EEPD1: variants seen among roughly 807,000 people sequenced by gnomAD.
EEPD1 encodes endonuclease/exonuclease/phosphatase family domain containing 1.
In EEPD1, 17 loss-of-function variants were observed where a neutral mutation model predicts 46.3. The ratio of observed to expected loss-of-function variants is 0.37; its 90% CI spans 0.25 to 0.55. The LOEUF is 0.55. Ranked by LOEUF, EEPD1 falls within the 20% of genes least tolerant of loss-of-function variation. The pLI is 0.83. For synonymous variants in EEPD1, 313 were observed against 315.6 expected (o/e 0.99, Z 0.09); for missense variants, 673 against 745.6 (o/e 0.90, Z 1.13).
intron 2 of EEPD1, among the ~76,000 whole-genome samples, chr7:36,220,756 GC>G (rs1232917203): frequency 6.6e-6 from 1 of 152,060 alleles, no homozygotes; most frequent in Non-Finnish European, 1.5e-5. Flanking sequence ...TTCACCCTCT[GC>G]CCATAACAAA....
At chr7:36,215,184 G>A (rs1449389351) in intron 2 of EEPD1, among the ~76,000 whole-genome samples, 2 of 152,140 alleles carry the variant, frequency 1.3e-5, no homozygotes, top group Non-Finnish European at 2.9e-5. Flanking sequence ...ACGATAACCA[G>A]ACACGAGCCG....
At chr7:36,235,504 C>G (rs1786416988) in intron 2 of EEPD1, among the ~76,000 whole-genome samples, 1 of 152,258 alleles carries the variant, frequency 6.6e-6, no homozygotes, top group Non-Finnish European at 1.5e-5. Context: ...ATCCTCTGGC[C>G]TTGGCTGGGC....
At position 36,214,209 on chromosome 7, in the gene EEPD1, G is replaced by A. The variant is rs543404241; in HGVS notation, c.879-24776G>A. ...GGGTTCACTGGTCTTGGGAAAAGCCGTAGAAGCTCTTCAGAGTGGGCAGGA... is the reference window on the plus strand; with the variant it reads ...GGGTTCACTGGTCTTGGGAAAAGCCATAGAAGCTCTTCAGAGTGGGCAGGA... On this transcript the variant is annotated intron_variant, in intron 2 of 7. Transcript: ENST00000242108. 9.2e-5 allele frequency among the ~76,000 whole-genome samples: 14 copies of A among 152,294 alleles called. No individual in the cohort carries two copies. In the East Asian group the frequency reaches 1.2e-3, roughly 13 times the overall value.
At chr7:36,260,839 C>A (rs371554960) in intron 3 of EEPD1, among the ~76,000 whole-genome samples, 1 of 152,162 alleles carries the variant, frequency 6.6e-6, no homozygotes, top group Non-Finnish European at 1.5e-5. Context: ...TATTCAAAAA[C>A]GAAAATGTTG....
chr7:36,249,671 G>T (rs1301346702), intron 3 of EEPD1, among the ~76,000 whole-genome samples: 1 of 152,172 alleles, frequency 6.6e-6, no homozygotes, highest in African/African-American at 2.4e-5. Context: ...TTACAACTCT[G>T]TAAAACATGT....
At chr7:36,197,047 G>A (rs1311287259) in intron 2 of EEPD1, among the ~76,000 whole-genome samples, 3 of 149,172 alleles carry the variant, frequency 2.0e-5, no homozygotes, top group Non-Finnish European at 4.5e-5. Context: ...TGTGAGGAGC[G>A]CCTCGGCCCG....
chr7:36,219,688 GAAGA>G (rs1224001856), intron 2 of EEPD1, among the ~76,000 whole-genome samples: 5 of 149,280 alleles, frequency 3.3e-5, no homozygotes, highest in Non-Finnish European at 7.4e-5. Flanking sequence ...AAGGAAAGAA[GAAGA>G]AAGAAGTGGG....
chr7:36,274,362 G>A (rs1315981063), intron 3 of EEPD1, among the ~76,000 whole-genome samples: 2 of 152,220 alleles, frequency 1.3e-5, no homozygotes, highest in Admixed American at 6.5e-5. Context: ...TCAGCAGAGA[G>A]TGTATTTCTG....
At chr7:36,220,257 C>T (rs1179474783) in intron 2 of EEPD1, among the ~76,000 whole-genome samples, 3 of 152,160 alleles carry the variant, frequency 2.0e-5, no homozygotes, top group Non-Finnish European at 4.4e-5. Context: ...ATGTTTGCAG[C>T]ATTTTCTGAT....
At chr7:36,262,436 T>G (rs924077876) in intron 3 of EEPD1, among the ~76,000 whole-genome samples, 2 of 152,152 alleles carry the variant, frequency 1.3e-5, no homozygotes, top group African/African-American at 4.8e-5. Context: ...TATTAAAAAC[T>G]TTTAGAGCAG....
At chr7:36,266,733 C>T (rs1475234415) in intron 3 of EEPD1, among the ~76,000 whole-genome samples, 6 of 152,152 alleles carry the variant, frequency 3.9e-5, no homozygotes, top group African/African-American at 1.4e-4. Context: ...AGTCACTCCC[C>T]CTTCCCCTCT....
At position 36,216,044 on chromosome 7, in the gene EEPD1, A is replaced by G. The variant is rs540652277; in HGVS notation, c.879-22941A>G. ...TCTCTCCAGTGAGTGGGCTTTAATC[A>G]TGCTTATTACAGCTGGTGGGCCCCC... On this transcript the variant is annotated intron_variant, in intron 2 of 7. Coordinates refer to ENST00000242108, the MANE Select transcript of EEPD1 (RefSeq NM_030636.3). 6.6e-5 allele frequency among the ~76,000 whole-genome samples: 10 copies of G among 152,236 alleles called. No homozygotes were observed. The South Asian group carries it at 2.1e-3, about 32-fold the overall frequency.
At chr7:36,215,188 C>T (rs1786007933) in intron 2 of EEPD1, among the ~76,000 whole-genome samples, 1 of 151,108 alleles carries the variant, frequency 6.6e-6, no homozygotes, top group East Asian at 1.9e-4. Flanking sequence ...TAACCAGACA[C>T]GAGCCGAGCC....
intron 3 of EEPD1, among the ~76,000 whole-genome samples, chr7:36,279,182 T>A (rs77748918): frequency 0.035 from 5,389 of 152,178 alleles, 127 homozygotes; most frequent in Middle Eastern, 0.075. Flanking sequence ...TGCCTTGAGT[T>A]TTCTGCTTCA....
At chr7:36,239,315 G>A (rs1366961151) in intron 3 of EEPD1, among the ~76,000 whole-genome samples, 1 of 152,146 alleles carries the variant, frequency 6.6e-6, no homozygotes, top group Non-Finnish European at 1.5e-5. Context: ...TACTCTGGAG[G>A]AGGCTTTCTG....
At chr7:36,189,056 G>A (rs1583796876) in intron 2 of EEPD1, among the ~76,000 whole-genome samples, 1 of 152,214 alleles carries the variant, frequency 6.6e-6, no homozygotes, top group Admixed American at 6.5e-5. Context: ...ATAGTCTGAT[G>A]CTGTAACCAG....
intron 3 of EEPD1, among the ~76,000 whole-genome samples, chr7:36,271,871 ATTC>A (rs1276232428): frequency 4.6e-4 from 9 of 19,396 alleles, no homozygotes; most frequent in African/African-American, 1.0e-3. Context: ...ATTCTATTCT[ATTC>A]TATTCTATTG....
intron 5 of EEPD1, among the ~76,000 whole-genome samples, chr7:36,285,174 G>A (rs1361259024): frequency 6.6e-6 from 1 of 152,162 alleles, no homozygotes; most frequent in East Asian, 1.9e-4. Flanking sequence ...CAGAATTTGG[G>A]GGATTATCCG....
chr7:36,169,786 A>T, intron 2 of EEPD1, among the ~76,000 whole-genome samples: 1 of 152,218 alleles, frequency 6.6e-6, no homozygotes, highest in East Asian at 1.9e-4. Flanking sequence ...GGGATGCTTC[A>T]TGAGTCTGGC....
Sources: allele counts gnomAD v4.1 joint callset (sites outside exome capture counted in the v4.1 genomes callset), GRCh38; gene constraint gnomAD v4.1.1; transcripts MANE v1.5; gene names NCBI Gene and HGNC (gene_info 2026-07-23, HGNC 2026-07-21).